C1orf21: variants seen among roughly 807,000 people sequenced by gnomAD.
C1orf21 encodes the protein uncharacterized protein C1orf21.
C1orf21 carries 3 observed loss-of-function variants against 18.7 expected under a neutral mutation model. The ratio of observed to expected loss-of-function variants is 0.16; its 90% CI spans 0.07 to 0.42. The LOEUF (loss-of-function observed/expected upper bound fraction) is 0.42, where lower values mean the gene tolerates loss of function less well. Ranked by LOEUF, C1orf21 falls within the 10% of genes least tolerant of loss-of-function variation. The pLI is 0.99. For synonymous variants in C1orf21, 41 were observed against 46.4 expected, an observed-to-expected ratio of 0.88 and a Z score of 0.47; for missense variants, 104 against 143.6, an observed-to-expected ratio of 0.72 and a Z score of 1.41.
intron 1 of C1orf21, among the ~76,000 whole-genome samples, chr1:184,407,650 A>C (rs191867343): frequency 6.6e-6 from 1 of 152,184 alleles, no homozygotes; most frequent in Non-Finnish European, 1.5e-5. Context: ...TTTGGTAGCT[A>C]TAATAAATCT....
intron 5 of C1orf21, among the ~76,000 whole-genome samples, chr1:184,602,124 C>T (rs531100481): frequency 2.6e-5 from 4 of 152,252 alleles, no homozygotes; most frequent in African/African-American, 4.8e-5. Context: ...ACCACCACCA[C>T]CATCCTCACC....
Position 184,625,096 on chromosome 1 carries a change from G to A in C1orf21, c.*5540G>A, listed in dbSNP as rs1659986093. The A allele has an allele frequency of 6.6e-6, 1 of 152,204 alleles. No homozygotes were observed. Among genetic ancestry groups the A allele is most frequent in the Non-Finnish European group, 1.5e-5 (1 of 68,038 alleles). 9.4% of individuals were successfully genotyped at this position (152,204 alleles called of 1,614,324 possible). A position where few individuals can be genotyped will look rare whatever the true frequency, so the allele number is the denominator to read the frequency against. On this transcript the variant is annotated 3_prime_UTR_variant, in exon 6 of 6. Coordinates refer to ENST00000235307, the MANE Select transcript of C1orf21 (RefSeq NM_030806.4). Reference sequence around the variant, plus strand: ...AACCACAGAAATTGCTGTATTTCGGGAAGATTCACCTCTAAACTGAAGGCT... The same window carrying A: ...AACCACAGAAATTGCTGTATTTCGGAAAGATTCACCTCTAAACTGAAGGCT...
Position 184,598,603 on chromosome 1 carries a change from C to T in C1orf21, c.327+142C>T, listed in dbSNP as rs577485148. 1.2e-4 allele frequency: 98 copies of T among 789,012 alleles called. No individual in the cohort carries two copies. The African/African-American group carries it at 1.5e-3, about 12-fold the overall frequency. The allele number at this position is 789,012 out of a possible 1,614,324, so 48.9% of individuals were successfully genotyped here. ...GTGGAGAGTTAAATAAAAGTCACCG[C>T]CCTTCCAAAATAAAGTGCATGTGAG... On this transcript the variant is annotated intron_variant, in intron 5 of 5. Coordinates refer to ENST00000235307, the MANE Select transcript of C1orf21 (RefSeq NM_030806.4).
intron 5 of C1orf21, among the ~76,000 whole-genome samples, chr1:184,612,062 A>T (rs1396378985): frequency 6.6e-6 from 1 of 152,184 alleles, no homozygotes; most frequent in Non-Finnish European, 1.5e-5. Flanking sequence ...TTATTCAACA[A>T]AAGGCATTAT....
intron 5 of C1orf21, among the ~76,000 whole-genome samples, chr1:184,618,660 C>T (rs1350328863): frequency 7.5e-6 from 1 of 133,666 alleles, no homozygotes; most frequent in African/African-American, 2.7e-5. Flanking sequence ...AAAAATGAAA[C>T]ATGTAGTGTG....
intron 3 of C1orf21, among the ~76,000 whole-genome samples, chr1:184,542,817 A>G (rs2101978209): frequency 6.6e-6 from 1 of 152,330 alleles, no homozygotes; most frequent in East Asian, 1.9e-4. Flanking sequence ...AGGAGAGTTC[A>G]CTTCAATGAG....
At chr1:184,565,252 G>C (rs957334959) in intron 3 of C1orf21, among the ~76,000 whole-genome samples, 5 of 152,186 alleles carry the variant, frequency 3.3e-5, no homozygotes, top group Non-Finnish European at 5.9e-5. Context: ...ATAATTAATA[G>C]TATCTAAGAA....
intron 2 of C1orf21, among the ~76,000 whole-genome samples, chr1:184,494,243 A>G (rs1304685379): frequency 6.6e-6 from 1 of 152,164 alleles, no homozygotes; most frequent in Admixed American, 6.5e-5. Context: ...TCTGAGAGGG[A>G]GCTGGCTAGT....
intron 1 of C1orf21, among the ~76,000 whole-genome samples, chr1:184,443,447 C>T (rs756616119): frequency 2.0e-4 from 31 of 152,162 alleles, no homozygotes; most frequent in Non-Finnish European, 4.1e-4. Flanking sequence ...AACTTTCCTC[C>T]CTTCTCTCTC....
chr1:184,463,463 T>G (rs751030812), intron 1 of C1orf21, among the ~76,000 whole-genome samples: 2 of 152,200 alleles, frequency 1.3e-5, no homozygotes, highest in Non-Finnish European at 2.9e-5. Context: ...AATTATAAAT[T>G]TTCAGCTGCA....
At chr1:184,560,903 A>G (rs1026851395) in intron 3 of C1orf21, among the ~76,000 whole-genome samples, 1 of 152,234 alleles carries the variant, frequency 6.6e-6, no homozygotes, top group Non-Finnish European at 1.5e-5. Flanking sequence ...ATGAATCAAT[A>G]GGAATTATTT....
chr1:184,532,210 C>T (rs1218974324), intron 3 of C1orf21, among the ~76,000 whole-genome samples: 1 of 152,096 alleles, frequency 6.6e-6, no homozygotes, highest in East Asian at 1.9e-4. Flanking sequence ...ACTCAGCTCA[C>T]TTGTGTGACC....
chr1:184,447,361 G>A (rs1191284150), intron 1 of C1orf21, among the ~76,000 whole-genome samples: 1 of 152,194 alleles, frequency 6.6e-6, no homozygotes, highest in Non-Finnish European at 1.5e-5. Flanking sequence ...CATGATTCAA[G>A]AATGTTACAG....
intron 3 of C1orf21, among the ~76,000 whole-genome samples, chr1:184,548,875 T>C (rs1197074550): frequency 6.6e-6 from 1 of 152,172 alleles, no homozygotes; most frequent in Non-Finnish European, 1.5e-5. Context: ...ATATTAATGC[T>C]CATGACTCCT....
intron 2 of C1orf21, among the ~76,000 whole-genome samples, chr1:184,479,474 A>G (rs1657620477): frequency 6.6e-6 from 1 of 152,190 alleles, no homozygotes; most frequent in Non-Finnish European, 1.5e-5. Context: ...AATTTTACAT[A>G]CTTGGAAACT....
intron 1 of C1orf21, among the ~76,000 whole-genome samples, chr1:184,421,279 A>AT: frequency 6.6e-6 from 1 of 152,068 alleles, no homozygotes; most frequent in Middle Eastern, 3.4e-3. Flanking sequence ...TAATTTTTAA[A>AT]TTTTTTGTAG....
At chr1:184,587,856 C>T (rs1659380398) in intron 3 of C1orf21, among the ~76,000 whole-genome samples, 1 of 152,170 alleles carries the variant, frequency 6.6e-6, no homozygotes, top group East Asian at 1.9e-4. Context: ...CTCACATAAT[C>T]TGCCTGCCTC....
In C1orf21 at chr1:184,402,674, A is replaced by G. The variant is rs114566396; in HGVS notation, c.-125+15306A>G. On this transcript the variant is annotated intron_variant, in intron 1 of 5. Coordinates refer to ENST00000235307, the MANE Select transcript of C1orf21 (RefSeq NM_030806.4). ...CTGATTTGAGATGTGCCCCCCTTATATAATTCATTTCTATACATAGTTGGC... is the reference window on the plus strand; with the variant it reads ...CTGATTTGAGATGTGCCCCCCTTATGTAATTCATTTCTATACATAGTTGGC... Among the ~76,000 whole-genome samples, 601 of 150,848 alleles carry G rather than the reference A, an allele frequency of 4.0e-3. 3 individuals are homozygous for G. The highest frequency in any genetic ancestry group is 0.014 in the African/African-American group (562 of 41,218).
chr1:184,606,961 C>T (rs6696816), intron 5 of C1orf21, among the ~76,000 whole-genome samples: 107,823 of 152,106 alleles, frequency 0.71, 39,664 homozygotes, highest in African/African-American at 0.93. Flanking sequence ...TTATGAGGCA[C>T]ATTATGTTCT....
Sources: gnomAD v4.1 joint callset for allele counts (sites outside exome capture counted in the v4.1 genomes callset) on GRCh38, gnomAD v4.1.1 for gene constraint, MANE v1.5 for transcripts, NCBI Gene and HGNC (gene_info 2026-07-23, HGNC 2026-07-21) for gene names.